Variants in PDLIM7 observed in about 807,000 individuals in gnomAD.
PDLIM7 encodes the protein PDZ and LIM domain 7.
In PDLIM7, 37 loss-of-function variants were observed where a neutral mutation model predicts 53.9. The observed-to-expected ratio is 0.69, with a 90% CI of 0.53 to 0.90. The LOEUF (loss-of-function observed/expected upper bound fraction) is 0.90, where lower values mean the gene tolerates loss of function less well. Ranked by LOEUF, PDLIM7 falls within the 40% of genes least tolerant of loss-of-function variation. The probability of loss-of-function intolerance (pLI) is 0.00; values close to 1 mark genes in which losing one functional copy is unlikely to be tolerated. For synonymous variants in PDLIM7, 300 were observed against 261.3 expected (o/e 1.15, Z -1.43); for missense variants, 617 against 638.5 (o/e 0.97, Z 0.36).
intron 7 of PDLIM7, 138 bp from the exon 8 acceptor site, chr5:177,489,970 G>T (rs1452907354): frequency 6.5e-7 from 1 of 1,536,052 alleles, no homozygotes; most frequent in Admixed American, 2.0e-5. Context: ...GTCCCACTGG[G>T]GTAGGGATGG....
intron 1 of PDLIM7, 43 bp from the exon 2 acceptor site, chr5:177,496,566 G>A: frequency 1.4e-6 from 2 of 1,400,518 alleles, no homozygotes; most frequent in East Asian, 2.7e-5. Context: ...CATGGTGGGC[G>A]GGCAGGCAGG....
chr5:177,495,367 T>C (rs1042454867), intron 2 of PDLIM7, among the ~76,000 whole-genome samples: 2 of 152,180 alleles, frequency 1.3e-5, no homozygotes, highest in African/African-American at 4.8e-5. Context: ...CAGGCTGGGC[T>C]TGCCTTGGGC....
At chr5:177,489,197 AGTT>A (rs1758613471) in intron 9 of PDLIM7, among the ~76,000 whole-genome samples, 193 bp downstream of exon 9, 1 of 152,196 alleles carries the variant, frequency 6.6e-6, no homozygotes, top group Non-Finnish European at 1.5e-5. Context: ...TGCTGCTAGC[AGTT>A]GTTGTGGGTG....
At chr5:177,490,233 C>T (rs1311783729) in intron 7 of PDLIM7, 2 of 1,448,840 alleles carry the variant, frequency 1.4e-6, no homozygotes, top group Non-Finnish European at 1.8e-6. Context: ...AGATAGAAGA[C>T]AGGCAGAGCA....
chr5:177,483,708 C>T lies in PDLIM7; in HGVS notation c.1310G>A (p.Gly437Glu), dbSNP rs1758296462. ...GTCCTTCTTGGAGTAGAAGGTCTTT[C>T]CTTCCAGGTTGATCTGACATATCTA... ...VCAICQINLE[G>E]KTFYSKKDRP... The change falls in exon 13 of 13, where the codon GGA becomes GAA. Residue 437 changes from glycine to glutamate, a missense_variant. By Grantham distance (98) the Gly-to-Glu change is moderately conservative. Coordinates refer to ENST00000355841, the MANE Select transcript of PDLIM7 (RefSeq NM_005451.5). 2 of 1,613,158 alleles carry T rather than the reference C, an allele frequency of 1.2e-6. No homozygotes were observed. The highest frequency in any genetic ancestry group is 8.5e-7 in the Non-Finnish European group (1 of 1,179,206).
chr5:177,493,942 G>A (rs1047919870), intron 2 of PDLIM7, among the ~76,000 whole-genome samples: 8 of 152,162 alleles, frequency 5.3e-5, no homozygotes, highest in Non-Finnish European at 8.8e-5. Context: ...GATGTCAGAG[G>A]GCAGGGCAGC....
intron 5 of PDLIM7, 34 bp from the exon 6 acceptor site, chr5:177,491,180 G>T (rs1452038888): frequency 2.5e-6 from 4 of 1,574,064 alleles, no homozygotes; most frequent in Non-Finnish European, 3.5e-6. Flanking sequence ...ACCCCACACT[G>T]GGGGTGGGCG....
Position 177,489,563 on chromosome 5 carries a change from G to T in PDLIM7, c.699C>A (p.Arg233=). Residue 233 remains arginine, a synonymous_variant, in exon 9 of 13, where the codon CGC becomes CGA. Transcript: ENST00000355841. ...CTGTGCTCGTTTTGTCCGGGGCATA[G>T]CGCTCGGCAAACGCAGGGTCCACAG... The part of the protein sequence containing the change: ...PWAVDPAFAE[R]YAPDKTSTVL... 1 of 1,610,898 alleles carries T rather than the reference G, an allele frequency of 6.2e-7. No homozygotes were observed. The highest frequency in any genetic ancestry group is 1.7e-5 in the Admixed American group (1 of 59,784).
intron 1 of PDLIM7, chr5:177,497,007 AGGGGG>A (rs762408662): frequency 0.66 from 26,989 of 41,030 alleles, 8,807 homozygotes; most frequent in Admixed American, 0.75. Flanking sequence ...TTGGGACGCG[AGGGGG>A]GGGGGAGGGG....
intron 8 of PDLIM7, 34 bp from the exon 9 acceptor site, chr5:177,489,661 G>C (rs746446168): frequency 2.0e-6 from 3 of 1,533,962 alleles, no homozygotes; most frequent in Non-Finnish European, 2.6e-6. Flanking sequence ...GGGGTGCCCA[G>C]GGACCCCAAA....
chr5:177,496,538 G>C lies in PDLIM7; in HGVS notation c.-11-15C>G. ...GATGCCGGCTCCTGAGAGGAGAGAA[G>C]AGAAGGTGAGTGGCCAGCATGGTGG... On this transcript the variant is annotated splice_polypyrimidine_tract_variant and intron_variant, in intron 1 of 12. Coordinates refer to ENST00000355841, the MANE Select transcript of PDLIM7 (RefSeq NM_005451.5). 2 of 1,546,154 alleles carry C rather than the reference G, an allele frequency of 1.3e-6. No homozygotes were observed. Among genetic ancestry groups the C allele is most frequent in the East Asian group, 2.5e-5 (1 of 40,614 alleles).
At position 177,488,116 on chromosome 5, in the gene PDLIM7, G is replaced by A. The variant is rs374528221; in HGVS notation, c.1002C>T (p.Asp334=). The change falls in exon 10 of 13, where the codon GAC becomes GAT. Residue 334 remains aspartate, a synonymous_variant. Coordinates refer to ENST00000355841, the MANE Select transcript of PDLIM7 (RefSeq NM_005451.5). ...KGAIFCPPCY[D]VRYAPSCAKC... ...TGGCACAGCTGGGTGCATAGCGCAC[G>A]TCATAGCATGGTGGGCAGAAGATGG... 165 of 1,612,706 alleles carry A rather than the reference G, an allele frequency of 1.0e-4. 1 individual carries two copies. Among genetic ancestry groups the A allele is most frequent in the Middle Eastern group, 3.3e-4 (2 of 6,080 alleles).
rs1759126565 is a variant in PDLIM7 at position 177,497,069 on chromosome 5, T to A, written c.-12+459A>T. 2.2e-5 allele frequency among the ~76,000 whole-genome samples: 3 copies of A among 138,260 alleles called. No homozygotes were observed. The South Asian group carries it at 7.3e-4, about 34-fold the overall frequency. The allele number at this position is 138,260 out of a possible 152,430, so 90.7% of individuals were successfully genotyped here. On this transcript the variant is annotated intron_variant, in intron 1 of 12. Coordinates refer to ENST00000355841, the MANE Select transcript of PDLIM7 (RefSeq NM_005451.5). ...GGGAGGCGGCTGCAGCGGATCCTCC[T>A]AGCCATTCCGGGACCAGTCGAGGCT...
intron 2 of PDLIM7, 106 bp from the exon 3 acceptor site, chr5:177,492,783 CAG>C: frequency 1.6e-6 from 2 of 1,252,992 alleles, no homozygotes; most frequent in South Asian, 2.7e-5. Flanking sequence ...TTCCAGAACC[CAG>C]AGAGCTCTTC....
chr5:177,496,597 T>C, intron 1 of PDLIM7, 74 bp from the exon 2 acceptor site: 1 of 1,068,832 alleles, frequency 9.4e-7, no homozygotes, highest in Non-Finnish European at 1.3e-6. Context: ...CAGCTCAGGA[T>C]ACCAGCCTTG....
At chr5:177,490,214 G>C in intron 7 of PDLIM7, 1 of 1,445,578 alleles carries the variant, frequency 6.9e-7, no homozygotes, top group Non-Finnish European at 9.1e-7. Context: ...ATGCAAACCA[G>C]GTCCACAAAG....
chr5:177,489,835 G>GC lies in PDLIM7; in HGVS notation c.573-4dup. 6.3e-7 allele frequency: 1 copy of GC among 1,584,320 alleles called. No individual in the cohort carries two copies. Among genetic ancestry groups the GC allele is most frequent in the Non-Finnish European group, 8.6e-7 (1 of 1,166,818 alleles). On this transcript the variant is annotated splice_region_variant and splice_polypyrimidine_tract_variant and intron_variant, in intron 7 of 12. Transcript: ENST00000355841. The stretch of plus-strand genomic sequence containing the variant: ...GGGCTTCTGTCCTGGGCACCTGGCT[G>GC]CAAGATCTGCCATTCAAGGCCCTGC...
chr5:177,489,286 G>T, intron 9 of PDLIM7, 107 bp downstream of exon 9: 2 of 879,156 alleles, frequency 2.3e-6, no homozygotes, highest in Non-Finnish European at 3.5e-6. Flanking sequence ...GCTGAGAACT[G>T]AATCCTTATT....
chr5:177,490,428 A>T, intron 7 of PDLIM7: 1 of 1,523,264 alleles, frequency 6.6e-7, no homozygotes, highest in Non-Finnish European at 8.8e-7. Flanking sequence ...GGAGGCACTA[A>T]GGGGGTGCCC....
Sources: gnomAD v4.1 joint callset for allele counts (sites outside exome capture counted in the v4.1 genomes callset) on GRCh38, gnomAD v4.1.1 for gene constraint, MANE v1.5 for transcripts, NCBI Gene and HGNC (gene_info 2026-07-23, HGNC 2026-07-21) for gene names.